The following CDH23 variants were observed in gnomAD, a reference collection of about 807,000 sequenced individuals.
CDH23 encodes cadherin-23.
CDH23 carries 189 observed loss-of-function variants against 317.1 expected under a neutral mutation model. The ratio of observed to expected loss-of-function variants is 0.60; its 90% CI spans 0.53 to 0.67. CDH23 has a LOEUF of 0.67. Ranked by LOEUF, CDH23 falls within the 30% of genes least tolerant of loss-of-function variation. The probability of loss-of-function intolerance (pLI) is 0.00; values close to 1 mark genes in which losing one functional copy is unlikely to be tolerated. For missense variants in CDH23, 4,401 were observed against 4,592.4 expected (o/e 0.96, Z 1.20); for synonymous variants, 1,839 against 1,876.8 (o/e 0.98, Z 0.52).
intron 38 of CDH23, among the ~76,000 whole-genome samples, chr10:71,753,999 G>A (rs559410912): frequency 6.6e-6 from 1 of 152,214 alleles, no homozygotes; most frequent in Non-Finnish European, 1.5e-5. Flanking sequence ...AAGCAGGATG[G>A]AAATCCACAC....
At chr10:71,723,937 TGGCAGGATGG>T in intron 28 of CDH23, 98 bp from the exon 29 acceptor site, 1 of 1,264,198 alleles carries the variant, frequency 7.9e-7, no homozygotes, top group Non-Finnish European at 1.1e-6. Flanking sequence ...CCACAGGTTT[TGGCAGGATGG>T]GGTAGGATGC....
At chr10:71,576,593 G>A (rs1234043298) in intron 8 of CDH23, among the ~76,000 whole-genome samples, 1 of 152,166 alleles carries the variant, frequency 6.6e-6, no homozygotes, top group Non-Finnish European at 1.5e-5. Flanking sequence ...CATTAGCCAT[G>A]CAGATGCCAG....
intron 48 of CDH23, among the ~76,000 whole-genome samples, chr10:71,794,980 G>A (rs1841361397): frequency 6.6e-6 from 1 of 152,080 alleles, no homozygotes; most frequent in South Asian, 2.1e-4. Context: ...GCGGTGAGAA[G>A]CAATAAATTA....
In CDH23 at chr10:71,807,994, G is replaced by A. The variant is rs2132990744; in HGVS notation, c.8709G>A (p.Gln2903=). Residue 2903 remains glutamine (Q), a synonymous_variant, in exon 60 of 70, where the codon CAG becomes CAA. Transcript: ENST00000224721. The part of the protein sequence containing the change: ...ALANDSEDVG[Q]VFTMGSMDGI... ...CCAACGACTCTGAAGATGTGGGCCA[G>A]GTCTTCACCATGGGTAGGGCCTGGC... 7.6e-6 allele frequency: 12 copies of A among 1,589,110 alleles called. No homozygotes were observed. Among genetic ancestry groups the A allele is most frequent in the Non-Finnish European group, 1.0e-5 (12 of 1,167,228 alleles).
chr10:71,519,640 C>A (rs1425458636), intron 6 of CDH23, among the ~76,000 whole-genome samples: 1 of 152,220 alleles, frequency 6.6e-6, no homozygotes, highest in Non-Finnish European at 1.5e-5. Context: ...AAGGTGTTAG[C>A]CTCTCTGAGC....
In CDH23 at chr10:71,790,411, C is replaced by T. The variant is rs2132948196; in HGVS notation, c.6047C>T (p.Thr2016Ile). 4.3e-6 allele frequency: 7 copies of T among 1,612,450 alleles called. No homozygotes were observed. The highest frequency in any genetic ancestry group is 1.1e-5 in the South Asian group (1 of 90,916). The change falls in exon 46 of 70, where the codon ACC becomes ATC. Residue 2016 changes from threonine to isoleucine, a missense_variant and splice_region_variant. Physicochemically the swap from Thr to Ile is moderately conservative, Grantham distance 89. This residue lies in a region of CDH23 where 3,068 missense variants were observed against 3,203.3 expected (regional missense o/e 0.96). Transcript: ENST00000224721. ...QSGLFDINSS[T>I]GVVTVRSGVI... ...GGCCTCTTTGACATCAACAGCAGCA[C>T]CGGTGAGGCCTCTGTGCCACCCAGC...
intron 26 of CDH23, among the ~76,000 whole-genome samples, chr10:71,708,834 G>A (rs1564746925): frequency 1.3e-5 from 2 of 152,242 alleles, no homozygotes. Context: ...GTGAGGTGGA[G>A]GCTAAATGAA....
chr10:71,426,006 G>A (rs1490736536), intron 1 of CDH23, among the ~76,000 whole-genome samples: 1 of 152,192 alleles, frequency 6.6e-6, no homozygotes, highest in Non-Finnish European at 1.5e-5. Flanking sequence ...TGGGATACTT[G>A]TGAACCTTTC....
intron 39 of CDH23, 56 bp downstream of exon 39, chr10:71,777,957 AAGG>A (rs1475338838): frequency 1.3e-6 from 2 of 1,586,398 alleles, no homozygotes; most frequent in Non-Finnish European, 1.7e-6. Context: ...AGGGATTGGC[AAGG>A]AGTTCAGTGA....
At chr10:71,644,536 C>A (rs961026733) in intron 12 of CDH23, among the ~76,000 whole-genome samples, 4 of 152,200 alleles carry the variant, frequency 2.6e-5, no homozygotes, top group African/African-American at 7.2e-5. Flanking sequence ...CCCCCTCTGC[C>A]CTGAGCGGGA....
chr10:71,783,425 A>T (rs1315845359), intron 41 of CDH23, among the ~76,000 whole-genome samples: 1 of 152,232 alleles, frequency 6.6e-6, no homozygotes, highest in Non-Finnish European at 1.5e-5. Flanking sequence ...GCTGGGTTTG[A>T]ATCCTGGTCT....
intron 38 of CDH23, among the ~76,000 whole-genome samples, chr10:71,754,608 C>A (rs1250402468): frequency 6.6e-6 from 1 of 152,162 alleles, no homozygotes; most frequent in Admixed American, 6.5e-5. Flanking sequence ...GATGTTTGTG[C>A]CCATGACTTA....
chr10:71,519,135 C>T (rs1854509586), intron 6 of CDH23, among the ~76,000 whole-genome samples: 3 of 152,200 alleles, frequency 2.0e-5, no homozygotes, highest in Admixed American at 1.3e-4. Flanking sequence ...GCAATGATTG[C>T]GGGACCCTCT....
At chr10:71,777,344 C>T (rs1011377042) in intron 38 of CDH23, among the ~76,000 whole-genome samples, 2 of 152,104 alleles carry the variant, frequency 1.3e-5, no homozygotes, top group African/African-American at 4.8e-5. Context: ...ATCCCATATG[C>T]CAGTCTTAAT....
chr10:71,510,527 A>AC (rs1175643458), intron 4 of CDH23, among the ~76,000 whole-genome samples: 1 of 151,336 alleles, frequency 6.6e-6, no homozygotes, highest in African/African-American at 2.4e-5. Context: ...GTCTACCCCT[A>AC]CCCCCAGTAA....
intron 38 of CDH23, chr10:71,773,580 C>T: frequency 1.5e-6 from 1 of 685,414 alleles, no homozygotes; most frequent in Non-Finnish European, 2.2e-6. Flanking sequence ...CACCCGCCCC[C>T]TTCGCGCAGC....
intron 38 of CDH23, among the ~76,000 whole-genome samples, chr10:71,754,319 G>T (rs57625458): frequency 0.098 from 14,873 of 152,164 alleles, 848 homozygotes; most frequent in South Asian, 0.22. Context: ...CCACTATGGG[G>T]CTTCACGTGG....
At chr10:71,441,253 C>T (rs1849863416) in intron 2 of CDH23, among the ~76,000 whole-genome samples, 2 of 152,128 alleles carry the variant, frequency 1.3e-5, no homozygotes, top group Admixed American at 6.5e-5. Context: ...CCCCGCTCCC[C>T]CCCTGCCTCA....
At chr10:71,444,976 G>A (rs1850086491) in intron 2 of CDH23, among the ~76,000 whole-genome samples, 1 of 152,170 alleles carries the variant, frequency 6.6e-6, no homozygotes, top group Non-Finnish European at 1.5e-5. Context: ...GCCCCTAAGA[G>A]AAGCTGGGGG....
Sources: gnomAD v4.1 joint callset for allele counts (sites outside exome capture counted in the v4.1 genomes callset) on GRCh38, gnomAD v4.1.1 for gene constraint, gnomAD v4.1.1 regional missense constraint, MANE v1.5 for transcripts, NCBI Gene and HGNC (gene_info 2026-07-23, HGNC 2026-07-21) for gene names.